The following VPS13C variants were observed in gnomAD, a reference collection of about 807,000 sequenced individuals.
VPS13C encodes the protein vacuolar protein sorting 13 homolog C.
In VPS13C, 358 loss-of-function variants were observed where a neutral mutation model predicts 456.8. That is an observed-to-expected ratio of 0.78 (90% CI 0.72 to 0.86). The LOEUF is 0.86. Ranked by LOEUF, VPS13C falls within the 40% of genes least tolerant of loss-of-function variation. VPS13C has a pLI of 0.00. For missense variants in VPS13C, 4,818 were observed against 4,385.4 expected, an observed-to-expected ratio of 1.10 and a Z score of -2.79; for synonymous variants, 1,578 against 1,486.7, an observed-to-expected ratio of 1.06 and a Z score of -1.41.
chr15:61,897,965 A>T (rs1423113105), intron 66 of VPS13C, among the ~76,000 whole-genome samples: 1 of 152,254 alleles, frequency 6.6e-6, no homozygotes, highest in Non-Finnish European at 1.5e-5. Context: ...CTTGAAGAAA[A>T]GAATTTTCAA....
At chr15:61,936,194 A>T (rs932903618) in intron 48 of VPS13C, among the ~76,000 whole-genome samples, 5 of 152,224 alleles carry the variant, frequency 3.3e-5, no homozygotes, top group Admixed American at 2.0e-4. Context: ...AGTCCAGATA[A>T]ATAAAGCTGT....
intron 80 of VPS13C, 37 bp downstream of exon 80, chr15:61,869,463 C>G: frequency 6.2e-7 from 1 of 1,603,518 alleles, no homozygotes; most frequent in Non-Finnish European, 8.5e-7. Flanking sequence ...AATTAGCACA[C>G]AGACACATAC....
chr15:61,905,970 G>A (rs1255506947), intron 66 of VPS13C, among the ~76,000 whole-genome samples: 3 of 152,002 alleles, frequency 2.0e-5, no homozygotes, highest in East Asian at 1.9e-4. Flanking sequence ...CATACATTTC[G>A]AAATGCTTCT....
intron 16 of VPS13C, among the ~76,000 whole-genome samples, chr15:61,992,439 C>T (rs1029256313): frequency 2.6e-5 from 4 of 151,950 alleles, no homozygotes; most frequent in Non-Finnish European, 4.4e-5. Context: ...GTTCTCATTC[C>T]CTGAATAAGT....
At chr15:62,027,868 A>G (rs1304297111) in intron 6 of VPS13C, among the ~76,000 whole-genome samples, 1 of 152,064 alleles carries the variant, frequency 6.6e-6, no homozygotes, top group Non-Finnish European at 1.5e-5. Context: ...AGTAGTCTAG[A>G]GGCACCTCCA....
chr15:62,024,817 T>C (rs949987866), intron 6 of VPS13C, among the ~76,000 whole-genome samples: 29 of 152,082 alleles, frequency 1.9e-4, no homozygotes, highest in African/African-American at 6.3e-4. Context: ...ATTTCTACTT[T>C]CCCAAACAAG....
At position 61,867,479 on chromosome 15, in the gene VPS13C, T is replaced by C; in HGVS notation, c.10863+1180A>G. The C allele has an allele frequency of 1.0e-6, 1 of 988,378 alleles. No individual in the cohort carries two copies. Among genetic ancestry groups the C allele is most frequent in the Non-Finnish European group, 1.2e-6 (1 of 832,186 alleles). 61.2% of individuals were successfully genotyped at this position (988,378 alleles called of 1,614,324 possible). ...GTAATAGTCCCGTAACTTAAGCAAA[T>C]TTAGAGCCATTTGTGAAACAGAAAG... On this transcript the variant is annotated intron_variant, in intron 81 of 84. Coordinates refer to ENST00000644861, the MANE Select transcript of VPS13C (RefSeq NM_020821.3). This position sits in a 1 kb window ranked among gnomAD's most constrained non-coding sequence, Gnocchi z 5.0.
intron 18 of VPS13C, among the ~76,000 whole-genome samples, chr15:61,990,279 C>A (rs1481568663): frequency 6.6e-6 from 1 of 152,046 alleles, no homozygotes; most frequent in Admixed American, 6.6e-5. Flanking sequence ...GATGGGGGAT[C>A]TAGGGACTTC....
intron 71 of VPS13C, 93 bp downstream of exon 71, chr15:61,881,470 C>T: frequency 7.7e-7 from 1 of 1,294,646 alleles, no homozygotes; most frequent in Non-Finnish European, 1.1e-6. Context: ...ATACTTTTTA[C>T]ATGAAAGTCA....
At position 61,868,690 on chromosome 15, in the gene VPS13C, C is replaced by A. The variant is rs749002321; in HGVS notation, c.10832G>T (p.Arg3611Ile). 3 of 1,614,020 alleles carry A rather than the reference C, an allele frequency of 1.9e-6. No homozygotes were observed. Among genetic ancestry groups the A allele is most frequent in the Non-Finnish European group, 2.5e-6 (3 of 1,180,024 alleles). ...TAAGTCAGAGCCCTCAGATTCCTGT[C>A]TGTCATAAGGACGAATGATGCCATC... is the stretch of plus-strand genomic sequence containing the variant. Reference protein sequence around the residue: ...HEDGIIRPYDRQESEGSDLLE... With the variant: ...HEDGIIRPYDIQESEGSDLLE... The change falls in exon 81 of 85, where the codon AGA becomes ATA. Residue 3611 changes from arginine to isoleucine, a missense_variant. Around this residue, in one of 3 missense-constraint regions of VPS13C, gnomAD observed 261 missense variants for 234.1 expected, o/e 1.11. Coordinates refer to ENST00000644861, the MANE Select transcript of VPS13C (RefSeq NM_020821.3).
intron 63 of VPS13C, among the ~76,000 whole-genome samples, chr15:61,910,609 T>C (rs1256402406): frequency 1.3e-5 from 2 of 152,142 alleles, no homozygotes. Context: ...ATTGAAAAAT[T>C]ATATTTAAAA....
At chr15:62,034,858 C>T (rs1567133630) in intron 4 of VPS13C, 99 bp downstream of exon 4, 4 of 756,560 alleles carry the variant, frequency 5.3e-6, no homozygotes, top group Admixed American at 2.9e-5. Flanking sequence ...TTTAAATTAC[C>T]TTCTATCTTA....
At chr15:62,044,726 T>TATTCTAA (rs2048349374) in intron 1 of VPS13C, among the ~76,000 whole-genome samples, 2 of 152,290 alleles carry the variant, frequency 1.3e-5, no homozygotes, top group Admixed American at 6.5e-5. Context: ...TTCCCAATGA[T>TATTCTAA]TACTGTATGT....
chr15:62,041,981 C>A (rs1029539565), intron 2 of VPS13C, among the ~76,000 whole-genome samples: 1 of 152,016 alleles, frequency 6.6e-6, no homozygotes, highest in African/African-American at 2.4e-5. Context: ...CAAACCAAAT[C>A]AATTTAAACA....
At chr15:61,864,443 C>T (rs917917702) in intron 81 of VPS13C, 5 of 851,366 alleles carry the variant, frequency 5.9e-6, no homozygotes, top group African/African-American at 1.8e-5. Flanking sequence ...ATATATAATG[C>T]ATGGCTGAAA....
chr15:61,967,254 A>G, intron 29 of VPS13C, 114 bp downstream of exon 29: 2 of 818,432 alleles, frequency 2.4e-6, no homozygotes, highest in Non-Finnish European at 3.8e-6. Flanking sequence ...ATTTCCCTCT[A>G]ATTAGAAACT....
At chr15:61,916,209 T>C (rs1241083533) in intron 60 of VPS13C, among the ~76,000 whole-genome samples, 187 bp from the exon 61 acceptor site, 1 of 152,162 alleles carries the variant, frequency 6.6e-6, no homozygotes, top group Non-Finnish European at 1.5e-5. Context: ...CGCTACACCA[T>C]AGCCACAGGC....
chr15:61,994,585 T>A (rs918447705), intron 16 of VPS13C, among the ~76,000 whole-genome samples: 2 of 150,082 alleles, frequency 1.3e-5, no homozygotes, highest in African/African-American at 5.0e-5. Context: ...TGGAATACTA[T>A]TCAGCTATCT....
At chr15:62,011,621 A>G (rs746519738) in intron 12 of VPS13C, among the ~76,000 whole-genome samples, 1 of 152,000 alleles carries the variant, frequency 6.6e-6, no homozygotes, top group Non-Finnish European at 1.5e-5. Flanking sequence ...AAATAAATAA[A>G]TAACAGGAAG....
Sources: gnomAD v4.1 joint callset for allele counts (sites outside exome capture counted in the v4.1 genomes callset) on GRCh38, gnomAD v4.1.1 for gene constraint, gnomAD v4.1.1 regional missense constraint, Gnocchi (gnomAD v3.1) non-coding constraint, MANE v1.5 for transcripts, NCBI Gene and HGNC (gene_info 2026-07-23, HGNC 2026-07-21) for gene names.